The following MTIF2 variants were observed in gnomAD, a reference collection of about 807,000 sequenced individuals.
MTIF2 encodes translation initiation factor IF-2, mitochondrial.
MTIF2 carries 71 observed loss-of-function variants against 83.5 expected under a neutral mutation model. The ratio of observed to expected loss-of-function variants is 0.85; its 90% CI spans 0.70 to 1.04. The LOEUF (loss-of-function observed/expected upper bound fraction) is 1.04, where lower values mean the gene tolerates loss of function less well. Among genes scored for constraint, MTIF2 ranks in the 50% least tolerant of loss-of-function variants. MTIF2 has a pLI of 0.00. For missense variants in MTIF2, 957 were observed against 846.5 expected, an observed-to-expected ratio of 1.13 and a Z score of -1.62; for synonymous variants, 319 against 287.1, an observed-to-expected ratio of 1.11 and a Z score of -1.12.
At chr2:55,243,947 A>G (rs1676509480) in intron 11 of MTIF2, 82 bp downstream of exon 11, 1 of 1,184,786 alleles carries the variant, frequency 8.4e-7, no homozygotes, top group Non-Finnish European at 1.2e-6. Flanking sequence ...TAACATTAAT[A>G]CACATATTTG....
intron 14 of MTIF2, among the ~76,000 whole-genome samples, chr2:55,239,076 C>T (rs1297788343): frequency 6.6e-6 from 1 of 152,092 alleles, no homozygotes; most frequent in Admixed American, 6.5e-5. Flanking sequence ...AGAACTGTTC[C>T]AGATTAAATG....
intron 3 of MTIF2, among the ~76,000 whole-genome samples, chr2:55,265,121 C>T (rs1678332112): frequency 6.6e-6 from 1 of 151,400 alleles, no homozygotes; most frequent in Non-Finnish European, 1.5e-5. Flanking sequence ...CGGGCGCCTG[C>T]AATCCCAGCT....
chr2:55,237,619 C>CTT (rs1405921379), intron 14 of MTIF2, among the ~76,000 whole-genome samples, 191 bp from the exon 15 acceptor site: 1 of 145,904 alleles, frequency 6.9e-6, no homozygotes, highest in East Asian at 2.0e-4. Context: ...GAATGAAAAT[C>CTT]TTTGGCTATT....
rs1251943389 is a variant in MTIF2 at position 55,246,370 on chromosome 2, G to C, written c.1073C>G (p.Thr358Arg). The C allele has an allele frequency of 1.2e-6, 2 of 1,613,878 alleles. No homozygotes were observed. Among genetic ancestry groups the C allele is most frequent in the Non-Finnish European group, 8.5e-7 (1 of 1,179,872 alleles). Residue 358 changes from threonine (T) to arginine (R), a missense_variant, in exon 10 of 16, where the codon ACA becomes AGA. Thr to Arg is a moderately conservative substitution (Grantham distance 71, BLOSUM62 -1). Around this residue, in one of 3 missense-constraint regions of MTIF2, gnomAD observed 733 missense variants for 648.7 expected, o/e 1.13. Transcript: ENST00000263629. The part of the protein sequence containing the change: ...KADPNGPVEG[T>R]VIESFTDKGR... ...TTTGTCTGTGAAAGACTCTATTACT[G>C]TTCCTTCCACTGGACCATTGGGATC...
intron 5 of MTIF2, among the ~76,000 whole-genome samples, chr2:55,256,573 G>A (rs1169394327): frequency 6.6e-6 from 1 of 151,816 alleles, no homozygotes; most frequent in Non-Finnish European, 1.5e-5. Flanking sequence ...GGGCATGGTG[G>A]CGGCACCTGT....
intron 5 of MTIF2, among the ~76,000 whole-genome samples, chr2:55,259,529 C>G (rs1677799433): frequency 6.7e-6 from 1 of 150,134 alleles, no homozygotes; most frequent in Non-Finnish European, 1.5e-5. Context: ...GAGTCCTCAT[C>G]TTTTAGAGAT....
At chr2:55,260,305 C>A (rs1211331409) in intron 5 of MTIF2, among the ~76,000 whole-genome samples, 2 of 149,490 alleles carry the variant, frequency 1.3e-5, no homozygotes, top group African/African-American at 4.9e-5. Context: ...AGGCTTGAGA[C>A]AGGAGAATTG....
chr2:55,243,294 C>A lies in MTIF2; in HGVS notation c.1564+122G>T, dbSNP rs147927391. 519 of 1,142,226 alleles carry A rather than the reference C, an allele frequency of 4.5e-4. 2 individuals carry two copies. The African/African-American group carries it at 7.3e-3, about 16-fold the overall frequency. 70.8% of individuals were successfully genotyped at this position (1,142,226 alleles called of 1,614,324 possible). On this transcript the variant is annotated intron_variant, in intron 12 of 15. Coordinates refer to ENST00000263629, the MANE Select transcript of MTIF2 (RefSeq NM_002453.3). Reference sequence around the variant, plus strand: ...ACAAAATCAGCAAGAAATATGTTGACTAAGAAAAACTCTCCTAAAATATTG... The same window carrying A: ...ACAAAATCAGCAAGAAATATGTTGAATAAGAAAAACTCTCCTAAAATATTG...
Position 55,262,926 on chromosome 2 carries a change from G to A in MTIF2, c.220-499C>T, listed in dbSNP as rs1256696513. On this transcript the variant is annotated intron_variant, in intron 4 of 15. Coordinates refer to ENST00000263629, the MANE Select transcript of MTIF2 (RefSeq NM_002453.3). ...GTATTTTCAGTAGAAACAGGGTTTC[G>A]CCATGTTGGCCAGGCTAGTCTTGAA... Among the ~76,000 whole-genome samples the A allele has an allele frequency of 5.9e-5, 9 of 152,060 alleles. No homozygotes were observed. In the East Asian group the frequency reaches 9.6e-4, roughly 16 times the overall value.
chr2:55,269,046 C>T (rs944304863), intron 1 of MTIF2, 123 bp downstream of exon 1: 2 of 152,248 alleles, frequency 1.3e-5, no homozygotes, highest in East Asian at 1.9e-4. Flanking sequence ...CTTGGAAAGG[C>T]TTCCGAACGC....
chr2:55,253,951 C>T, intron 7 of MTIF2, 90 bp downstream of exon 7: 1 of 1,380,008 alleles, frequency 7.2e-7, no homozygotes. Flanking sequence ...TTCTCTTGTA[C>T]TTTGAATTTG....
intron 13 of MTIF2, among the ~76,000 whole-genome samples, chr2:55,241,430 A>C (rs1056519637): frequency 2.7e-4 from 41 of 151,094 alleles, no homozygotes; most frequent in Non-Finnish European, 3.4e-4. Context: ...AAAAAAAAAA[A>C]CCAACCCAAA....
At position 55,243,420 on chromosome 2, in the gene MTIF2, A is replaced by G. The variant is rs375860717; in HGVS notation, c.1560T>C (p.Ile520=). 2 of 1,599,154 alleles carry G rather than the reference A, an allele frequency of 1.3e-6. No individual in the cohort carries two copies. Among genetic ancestry groups the G allele is most frequent in the Non-Finnish European group, 1.7e-6 (2 of 1,170,872 alleles). The change falls in exon 12 of 16, where the codon ATT becomes ATC. Residue 520 remains isoleucine (I), a synonymous_variant. Coordinates refer to ENST00000263629, the MANE Select transcript of MTIF2 (RefSeq NM_002453.3). ...GTAAAATCTTTAAAAAGATACCTTT[A>G]ATAATCACAGAAAGTACATTTGAAT... ...ERDSNVLSVI[I]KGDVDGSVEA...
At chr2:55,242,865 G>C in intron 13 of MTIF2, 75 bp downstream of exon 13, 3 of 1,464,460 alleles carry the variant, frequency 2.0e-6, no homozygotes, top group Non-Finnish European at 2.8e-6. Flanking sequence ...GACAAGCCAA[G>C]CAACAAAAGA....
chr2:55,265,606 T>A (rs1678372834), intron 3 of MTIF2, among the ~76,000 whole-genome samples: 1 of 152,142 alleles, frequency 6.6e-6, no homozygotes, highest in Admixed American at 6.6e-5. Flanking sequence ...AGTATAGATT[T>A]TCTTTTACTC....
chr2:55,242,144 A>G (rs1366628171), intron 13 of MTIF2, among the ~76,000 whole-genome samples: 1 of 125,924 alleles, frequency 7.9e-6, no homozygotes, highest in Admixed American at 7.5e-5. Flanking sequence ...TCTGTCTCCA[A>G]AAAAAAAAAA....
chr2:55,246,476 A>C lies in MTIF2; in HGVS notation c.982-15T>G, dbSNP rs1676712063. ...AGATTATCGCCCTTTAACAATAACAAACGTTGTTAATACACATTAATAAAT... is the reference window on the plus strand; with the variant it reads ...AGATTATCGCCCTTTAACAATAACACACGTTGTTAATACACATTAATAAAT... On this transcript the variant is annotated splice_polypyrimidine_tract_variant and intron_variant, in intron 9 of 15. Coordinates refer to ENST00000263629, the MANE Select transcript of MTIF2 (RefSeq NM_002453.3). 1 of 1,605,846 alleles carries C rather than the reference A, an allele frequency of 6.2e-7. No individual in the cohort carries two copies. The highest frequency in any genetic ancestry group is 1.7e-5 in the Admixed American group (1 of 59,904).
rs1453368491 is a variant in MTIF2 at position 55,262,218 on chromosome 2, T to G, written c.331+98A>C. 9 of 807,176 alleles carry G rather than the reference T, an allele frequency of 1.1e-5. No individual in the cohort carries two copies. In the East Asian group the frequency reaches 1.2e-4, roughly 11 times the overall value. 50.0% of individuals were successfully genotyped at this position (807,176 alleles called of 1,614,324 possible). ...ACTTAATATATTTTTTAAGTGCCAGTCTAGTTTTTAATCTTTCAATGCCTT... is the reference window on the plus strand; with the variant it reads ...ACTTAATATATTTTTTAAGTGCCAGGCTAGTTTTTAATCTTTCAATGCCTT... On this transcript the variant is annotated intron_variant, in intron 5 of 15. Transcript: ENST00000263629.
intron 15 of MTIF2, 22 bp from the exon 16 acceptor site, chr2:55,236,842 T>C: frequency 6.5e-7 from 1 of 1,528,626 alleles, no homozygotes; most frequent in African/African-American, 1.4e-5. Flanking sequence ...TAATTTAAGG[T>C]TAGTATATTC....
Sources: allele counts gnomAD v4.1 joint callset (sites outside exome capture counted in the v4.1 genomes callset), GRCh38; gene constraint gnomAD v4.1.1; regional missense constraint gnomAD v4.1.1; transcripts MANE v1.5; gene names NCBI Gene and HGNC (gene_info 2026-07-23, HGNC 2026-07-21).